Variants in SLC22A23 observed in about 807,000 individuals in gnomAD.
SLC22A23 encodes solute carrier family 22 member 23.
SLC22A23 carries 26 observed loss-of-function variants against 61.0 expected under a neutral mutation model. The observed-to-expected ratio is 0.43, with a 90% confidence interval of 0.31 to 0.59. SLC22A23 has a LOEUF of 0.59. Among genes scored for constraint, SLC22A23 ranks in the 20% least tolerant of loss-of-function variants. The pLI is 0.11. For missense variants in SLC22A23, 796 were observed against 934.7 expected, an observed-to-expected ratio of 0.85 and a Z score of 1.94; for synonymous variants, 430 against 413.9, an observed-to-expected ratio of 1.04 and a Z score of -0.47.
intron 1 of SLC22A23, among the ~76,000 whole-genome samples, chr6:3,417,289 G>A (rs1554157039): frequency 2.0e-5 from 3 of 152,160 alleles, no homozygotes. Context: ...GAGGTCTGAG[G>A]AGGGTGACTT....
At chr6:3,288,957 C>T (rs1353375341) in intron 6 of SLC22A23, among the ~76,000 whole-genome samples, 2 of 152,240 alleles carry the variant, frequency 1.3e-5, no homozygotes, top group Non-Finnish European at 2.9e-5. Context: ...CAGAAAAAGC[C>T]ATGGGGGATG....
At chr6:3,298,052 G>A in intron 5 of SLC22A23, 39 bp downstream of exon 5, 1 of 1,466,796 alleles carries the variant, frequency 6.8e-7, no homozygotes, top group South Asian at 1.5e-5. Flanking sequence ...CCTGCCCCGT[G>A]GAGCCTCTCT....
At position 3,299,998 on chromosome 6, in the gene SLC22A23, CTTTTTTTTTTTTTTTT is replaced by C. The variant is rs869114176; in HGVS notation, c.1083-1796_1083-1781del. Among the ~76,000 whole-genome samples, 4 of 78,804 alleles carry C rather than the reference CTTTTTTTTTTTTTTTT, an allele frequency of 5.1e-5. No homozygotes were observed. In the East Asian group the frequency reaches 1.7e-3, roughly 33 times the overall value. The allele number at this position is 78,804 out of a possible 152,430, so 51.7% of individuals were successfully genotyped here. ...ACCTGCTTTGCAAGCTCAGGATAGA[CTTTTTTTTTTTTTTTT>C]TTTTTTTTTTTTTTGAGATGGAGTC... On this transcript the variant is annotated intron_variant, in intron 4 of 9. Coordinates refer to ENST00000406686, the MANE Select transcript of SLC22A23 (RefSeq NM_015482.2).
At chr6:3,365,414 A>C (rs1295225827) in intron 3 of SLC22A23, among the ~76,000 whole-genome samples, 1 of 152,222 alleles carries the variant, frequency 6.6e-6, no homozygotes, top group African/African-American at 2.4e-5. Flanking sequence ...ACAGGAGTAG[A>C]CTACAGTGAA....
chr6:3,440,721 A>AG (rs1162456151), intron 1 of SLC22A23, among the ~76,000 whole-genome samples: 2 of 151,726 alleles, frequency 1.3e-5, no homozygotes, highest in African/African-American at 4.8e-5. Flanking sequence ...AAAAAAAAAA[A>AG]AAGAAGAGGA....
chr6:3,270,568 C>T lies in SLC22A23; in HGVS notation c.*2487G>A, dbSNP rs1164132017. 6.6e-6 allele frequency: 1 copy of T among 152,264 alleles called. No individual in the cohort carries two copies. Among genetic ancestry groups the T allele is most frequent in the Non-Finnish European group, 1.5e-5 (1 of 68,034 alleles). The allele number at this position is 152,264 out of a possible 1,614,324, so 9.4% of individuals were successfully genotyped here. ...TGGGACCGCCTCGCCGGCTGAGAGC[C>T]ATTACCTGCCGACCGTCGGCAAGTC... is the stretch of plus-strand genomic sequence containing the variant. On this transcript the variant is annotated 3_prime_UTR_variant, in exon 10 of 10. Coordinates refer to ENST00000406686, the MANE Select transcript of SLC22A23 (RefSeq NM_015482.2).
intron 9 of SLC22A23, chr6:3,282,256 C>T (rs757568985): frequency 5.3e-5 from 37 of 702,414 alleles, no homozygotes; most frequent in East Asian, 3.2e-4. Flanking sequence ...AGCCTGCGGT[C>T]GGCCTGAGGT....
intron 3 of SLC22A23, among the ~76,000 whole-genome samples, chr6:3,399,702 A>G (rs1351622990): frequency 6.6e-6 from 1 of 152,136 alleles, no homozygotes; most frequent in Non-Finnish European, 1.5e-5. Context: ...AATGAGTACC[A>G]CTATTCTATT....
At chr6:3,399,870 C>T (rs887525482) in intron 3 of SLC22A23, among the ~76,000 whole-genome samples, 1 of 150,504 alleles carries the variant, frequency 6.6e-6, no homozygotes, top group Non-Finnish European at 1.5e-5. Flanking sequence ...TTTCAAAATG[C>T]AATATATGAT....
At chr6:3,430,997 C>T (rs1316608880) in intron 1 of SLC22A23, among the ~76,000 whole-genome samples, 8 of 146,418 alleles carry the variant, frequency 5.5e-5, no homozygotes, top group Admixed American at 4.2e-4. Context: ...ACCTGGGAAG[C>T]GGAGGTTGTG....
intron 4 of SLC22A23, among the ~76,000 whole-genome samples, chr6:3,307,130 C>T (rs1581661434): frequency 6.6e-6 from 1 of 152,192 alleles, no homozygotes; most frequent in Admixed American, 6.5e-5. Context: ...GGCAGCGCTA[C>T]GACATGCACA....
chr6:3,455,350 C>G (rs1772342983), intron 1 of SLC22A23, among the ~76,000 whole-genome samples: 1 of 152,188 alleles, frequency 6.6e-6, no homozygotes, highest in South Asian at 2.1e-4. Context: ...GCTGAGAAAA[C>G]ATGGGAGGAG....
intron 3 of SLC22A23, among the ~76,000 whole-genome samples, chr6:3,369,079 C>G (rs1229682085): frequency 1.3e-5 from 2 of 151,130 alleles, no homozygotes; most frequent in Admixed American, 6.6e-5. Flanking sequence ...AATACTTTTT[C>G]CCTTCTTAAT....
rs1367230484 is a variant in SLC22A23, at chr6:3,415,861, G to A, written c.655-6C>T. The A allele has an allele frequency of 9.1e-6, 14 of 1,537,676 alleles. No individual in the cohort carries two copies. The highest frequency in any genetic ancestry group is 1.1e-5 in the Non-Finnish European group (12 of 1,133,930). The stretch of plus-strand genomic sequence containing the variant: ...TTATCACACACAAGATCCCACTAGA[G>A]AGGGGCAAATAGAAAATAAATCAGA... On this transcript the variant is annotated splice_polypyrimidine_tract_variant and splice_region_variant and intron_variant, in intron 1 of 9. Coordinates refer to ENST00000406686, the MANE Select transcript of SLC22A23 (RefSeq NM_015482.2).
In SLC22A23 at chr6:3,318,577, C is replaced by T. The variant is rs1762773503; in HGVS notation, c.1082+5257G>A. On this transcript the variant is annotated intron_variant, in intron 4 of 9. Coordinates refer to ENST00000406686, the MANE Select transcript of SLC22A23 (RefSeq NM_015482.2). This position sits in a 1 kb window ranked among gnomAD's most constrained non-coding sequence, Gnocchi z 4.3. ...GTGTGCCTCCTGGCCCACCCCAGTG[C>T]TTCCCAGGAGGCCCTGTGTGGTCCT... is the stretch of plus-strand genomic sequence containing the variant. Among the ~76,000 whole-genome samples, 1 of 152,178 alleles carries T rather than the reference C, an allele frequency of 6.6e-6. No homozygotes were observed. The highest frequency in any genetic ancestry group is 2.4e-5 in the African/African-American group (1 of 41,442).
At position 3,318,845 on chromosome 6, in the gene SLC22A23, C is replaced by T. The variant is rs1352557022; in HGVS notation, c.1082+4989G>A. Among the ~76,000 whole-genome samples the T allele has an allele frequency of 2.0e-5, 3 of 152,192 alleles. No homozygotes were observed. The highest frequency in any genetic ancestry group is 2.9e-5 in the Non-Finnish European group (2 of 68,042). ...TTTCTTAAAGCTCTGGCCTCCCCAT[C>T]TCAGGAAACAGACCCAGCTGCCATC... On this transcript the variant is annotated intron_variant, in intron 4 of 9. Coordinates refer to ENST00000406686, the MANE Select transcript of SLC22A23 (RefSeq NM_015482.2). The surrounding 1 kb of genome is among the most constrained non-coding windows in gnomAD (Gnocchi z 4.3).
intron 3 of SLC22A23, among the ~76,000 whole-genome samples, chr6:3,370,799 C>T (rs1048549536): frequency 6.6e-6 from 1 of 152,244 alleles, no homozygotes; most frequent in Admixed American, 6.5e-5. Flanking sequence ...CAGGACATCA[C>T]GACTCACTTC....
chr6:3,391,501 G>C (rs991435023), intron 3 of SLC22A23, among the ~76,000 whole-genome samples: 7 of 152,206 alleles, frequency 4.6e-5, no homozygotes, highest in African/African-American at 1.4e-4. Flanking sequence ...CTGCGGCACA[G>C]ATCTTCATCG....
At chr6:3,277,223 C>T (rs1758993206) in intron 9 of SLC22A23, among the ~76,000 whole-genome samples, 2 of 152,040 alleles carry the variant, frequency 1.3e-5, no homozygotes, top group African/African-American at 4.8e-5. Flanking sequence ...GGGCCTAAAG[C>T]CTCCAGGCAT....
Sources: allele counts gnomAD v4.1 joint callset (sites outside exome capture counted in the v4.1 genomes callset), GRCh38; gene constraint gnomAD v4.1.1; non-coding constraint Gnocchi (gnomAD v3.1); transcripts MANE v1.5; gene names NCBI Gene and HGNC (gene_info 2026-07-23, HGNC 2026-07-21).